HDAC9: variants seen among roughly 807,000 people sequenced by gnomAD.
The protein encoded by HDAC9 is histone deacetylase 9.
HDAC9 carries 41 observed loss-of-function variants against 139.4 expected under a neutral mutation model. The ratio of observed to expected loss-of-function variants is 0.29; its 90% CI spans 0.23 to 0.38. The LOEUF (loss-of-function observed/expected upper bound fraction) is 0.38. Ranked by LOEUF, HDAC9 falls within the 10% of genes least tolerant of loss-of-function variation. The pLI is 1.00. For synonymous variants in HDAC9, 517 were observed against 476.2 expected (o/e 1.09, Z -1.12); for missense variants, 1,147 against 1,297.0 (o/e 0.88, Z 1.78).
chr7:18,845,679 A>G (rs1251843083), intron 21 of HDAC9, among the ~76,000 whole-genome samples: 1 of 152,150 alleles, frequency 6.6e-6, no homozygotes, highest in Non-Finnish European at 1.5e-5. Context: ...GTTAGTGAAT[A>G]CTAGATACAG....
chr7:18,864,939 A>G (rs1798380951), intron 21 of HDAC9, among the ~76,000 whole-genome samples: 1 of 152,202 alleles, frequency 6.6e-6, no homozygotes, highest in Non-Finnish European at 1.5e-5. Flanking sequence ...TTTTACCACA[A>G]TAAAACTTTT....
At chr7:18,547,742 C>G (rs1012577948) in intron 2 of HDAC9, among the ~76,000 whole-genome samples, 1 of 152,050 alleles carries the variant, frequency 6.6e-6, no homozygotes, top group Non-Finnish European at 1.5e-5. Context: ...ATTCTGAATC[C>G]TTTGTCATCA....
At chr7:18,087,575 G>C (rs1781878058) in intron 1 of HDAC9, among the ~76,000 whole-genome samples, 1 of 152,164 alleles carries the variant, frequency 6.6e-6, no homozygotes, top group Non-Finnish European at 1.5e-5. Context: ...CGTGTTGCTT[G>C]AGGGGAGCAA....
intron 22 of HDAC9, among the ~76,000 whole-genome samples, chr7:18,902,332 C>A (rs956481262): frequency 6.6e-6 from 1 of 152,122 alleles, no homozygotes; most frequent in Non-Finnish European, 1.5e-5. Flanking sequence ...TCTAATGTGT[C>A]CTTAGGAGAG....
At chr7:18,356,545 C>A (rs554864899) in intron 1 of HDAC9, among the ~76,000 whole-genome samples, 2 of 152,034 alleles carry the variant, frequency 1.3e-5, no homozygotes, top group South Asian at 2.1e-4. Context: ...TGCTCCCTTT[C>A]ACCTCTGGCT....
intron 2 of HDAC9, among the ~76,000 whole-genome samples, chr7:18,239,289 G>A (rs139934127): frequency 6.6e-6 from 1 of 152,214 alleles, no homozygotes; most frequent in Non-Finnish European, 1.5e-5. Flanking sequence ...TTTTATCTGG[G>A]TTACTTTGAC....
chr7:18,274,367 G>A (rs1016228057), intron 2 of HDAC9, among the ~76,000 whole-genome samples: 11 of 152,154 alleles, frequency 7.2e-5, no homozygotes, highest in Non-Finnish European at 1.6e-4. Flanking sequence ...AGATCACATG[G>A]TGAGAGAGAA....
intron 1 of HDAC9, among the ~76,000 whole-genome samples, chr7:18,481,906 C>T (rs1016361164): frequency 1.6e-4 from 24 of 152,124 alleles, no homozygotes; most frequent in Non-Finnish European, 5.9e-5. Flanking sequence ...GTTACTTCCT[C>T]ATGTCCAGAT....
intron 2 of HDAC9, among the ~76,000 whole-genome samples, chr7:18,537,915 G>A (rs1273856804): frequency 6.6e-6 from 1 of 152,198 alleles, no homozygotes; most frequent in Non-Finnish European, 1.5e-5. Context: ...TAAGGCCTCA[G>A]TTGATGGGCC....
intron 16 of HDAC9, among the ~76,000 whole-genome samples, chr7:18,772,267 C>T (rs1790360032): frequency 6.6e-6 from 1 of 152,048 alleles, no homozygotes; most frequent in African/African-American, 2.4e-5. Flanking sequence ...CAATAGAACA[C>T]ACCGTATTTC....
chr7:18,617,502 T>C (rs1259677856), intron 6 of HDAC9, among the ~76,000 whole-genome samples: 1 of 152,206 alleles, frequency 6.6e-6, no homozygotes, highest in Non-Finnish European at 1.5e-5. Flanking sequence ...CTTCAATAGT[T>C]CATACTCATC....
chr7:18,145,165 A>G (rs1044536647), intron 1 of HDAC9, among the ~76,000 whole-genome samples: 5 of 152,242 alleles, frequency 3.3e-5, no homozygotes, highest in Non-Finnish European at 5.9e-5. Flanking sequence ...TCAACAATTG[A>G]TATGGACTAT....
At chr7:18,190,552 T>A (rs1790272777) in intron 2 of HDAC9, among the ~76,000 whole-genome samples, 1 of 152,022 alleles carries the variant, frequency 6.6e-6, no homozygotes, top group Non-Finnish European at 1.5e-5. Flanking sequence ...GACCACCCAA[T>A]ATTGCAAGAT....
At chr7:18,691,569 C>A (rs1345031372) in intron 12 of HDAC9, among the ~76,000 whole-genome samples, 1 of 151,982 alleles carries the variant, frequency 6.6e-6, no homozygotes, top group Non-Finnish European at 1.5e-5. Context: ...GGGAAGAAAA[C>A]ACAGACCACC....
intron 2 of HDAC9, among the ~76,000 whole-genome samples, chr7:18,175,461 G>C (rs2128136615): frequency 6.6e-6 from 1 of 152,276 alleles, no homozygotes; most frequent in African/African-American, 2.4e-5. Flanking sequence ...TCCATGGGCT[G>C]TACCCTCTGT....
chr7:18,153,946 G>A (rs1022788777), intron 1 of HDAC9, among the ~76,000 whole-genome samples: 6 of 152,172 alleles, frequency 3.9e-5, no homozygotes, highest in African/African-American at 1.4e-4. Context: ...AAATTGTATG[G>A]ACTGCTAGCA....
At chr7:18,188,828 A>G (rs1228146098) in intron 2 of HDAC9, among the ~76,000 whole-genome samples, 2 of 54,140 alleles carry the variant, frequency 3.7e-5, no homozygotes, top group African/African-American at 1.2e-4. Context: ...CGATTATTAA[A>G]AAGTCAGGAA....
rs1563103064 is a variant in HDAC9, at chr7:18,980,685, CTT to C, written c.3170+4733_3170+4734del. Among the ~76,000 whole-genome samples, 910 of 134,580 alleles carry C rather than the reference CTT, an allele frequency of 6.8e-3. 14 individuals are homozygous for C. Among genetic ancestry groups the C allele is most frequent in the African/African-American group, 0.016 (561 of 34,202 alleles). 88.3% of individuals were successfully genotyped at this position (134,580 alleles called of 152,430 possible). ...TCTTGTTCTTCTTGTTCTTGTTCTTCTTGTTCTTCTTCCTTCTTCTTCCTTCT... is the reference window on the plus strand; with the variant it reads ...TCTTGTTCTTCTTGTTCTTGTTCTTCGTTCTTCTTCCTTCTTCTTCCTTCT... On this transcript the variant is annotated intron_variant, in intron 25 of 25. Transcript: ENST00000686413.
At chr7:18,481,039 C>T (rs1268445022) in intron 1 of HDAC9, among the ~76,000 whole-genome samples, 1 of 152,180 alleles carries the variant, frequency 6.6e-6, no homozygotes, top group Non-Finnish European at 1.5e-5. Context: ...AGCAGTGCCT[C>T]AGTCCCCATC....
Sources: allele counts gnomAD v4.1 joint callset (sites outside exome capture counted in the v4.1 genomes callset), GRCh38; gene constraint gnomAD v4.1.1; transcripts MANE v1.5; gene names NCBI Gene and HGNC (gene_info 2026-07-23, HGNC 2026-07-21).